NECTIN3: variants seen among roughly 807,000 people sequenced by gnomAD.
The protein encoded by NECTIN3 is nectin-3.
Under a neutral mutation model 49.4 loss-of-function variants are expected in NECTIN3, and 8 were observed. That is an observed-to-expected ratio of 0.16 (90% confidence interval 0.10 to 0.29). The LOEUF is 0.29. NECTIN3 is among the 10% of genes least tolerant of loss of function. NECTIN3 has a pLI of 1.00. For missense variants in NECTIN3, 581 were observed against 654.6 expected (o/e 0.89, Z 1.23); for synonymous variants, 277 against 241.1 (o/e 1.15, Z -1.38).
chr3:111,145,472 A>T (rs2034851722), intron 6 of NECTIN3, among the ~76,000 whole-genome samples: 1 of 152,216 alleles, frequency 6.6e-6, no homozygotes, highest in African/African-American at 2.4e-5. Context: ...ATTGAGTTTT[A>T]AAAATTTTTT....
intron 1 of NECTIN3, chr3:111,193,080 T>C: frequency 1.2e-6 from 1 of 863,290 alleles, no homozygotes; most frequent in South Asian, 1.8e-5. Context: ...ATTCAATAGT[T>C]TTTGGCATAA....
At chr3:111,124,239 A>G (rs866515145) in intron 4 of NECTIN3, among the ~76,000 whole-genome samples, 46 of 152,122 alleles carry the variant, frequency 3.0e-4, no homozygotes, top group African/African-American at 1.1e-3. Flanking sequence ...AAACTTCTAT[A>G]TGTCTTTTTT....
upstream of NECTIN3, among the ~76,000 whole-genome samples, chr3:111,191,231 G>A (rs983946921): frequency 6.6e-6 from 1 of 152,218 alleles, no homozygotes; most frequent in Non-Finnish European, 1.5e-5. Flanking sequence ...CCAGTTGTGT[G>A]ACTGGAGACA....
In NECTIN3 at chr3:111,136,549, T is replaced by C. The variant is rs1014484335; in HGVS notation, c.*2334T>C. ...TGTTTATTAGAACTTTATGTATATT[T>C]ACTGTACATAGAGACTTGTTTGAAA... On this transcript the variant is annotated 3_prime_UTR_variant, in exon 6 of 6. Coordinates refer to ENST00000485303, the MANE Select transcript of NECTIN3 (RefSeq NM_015480.3). 1 of 951,500 alleles carries C rather than the reference T, an allele frequency of 1.1e-6. No individual in the cohort carries two copies. The highest frequency in any genetic ancestry group is 1.2e-4 in the East Asian group (1 of 8,622). 58.9% of individuals were successfully genotyped at this position (951,500 alleles called of 1,614,324 possible). A position where few individuals can be genotyped will look rare whatever the true frequency, so the allele number is the denominator to read the frequency against.
exon 1 of NECTIN3, chr3:111,192,387 A>G: frequency 1.3e-6 from 2 of 1,536,048 alleles, no homozygotes; most frequent in Non-Finnish European, 1.7e-6. Flanking sequence ...GTTCAAAGAA[A>G]GAGAAGTTGG....
intron 1 of NECTIN3, among the ~76,000 whole-genome samples, chr3:111,080,780 T>A (rs1023664525): frequency 6.6e-6 from 1 of 151,998 alleles, no homozygotes; most frequent in African/African-American, 2.4e-5. Flanking sequence ...CACGGTGGAA[T>A]GAGGCATGTT....
intron 1 of NECTIN3, among the ~76,000 whole-genome samples, chr3:111,087,377 G>A (rs187743960): frequency 9.9e-5 from 15 of 152,240 alleles, no homozygotes; most frequent in Non-Finnish European, 1.3e-4. Context: ...GCCAGGCCGG[G>A]TGCTGTGCCT....
At chr3:111,118,107 A>T (rs960408431) in intron 2 of NECTIN3, among the ~76,000 whole-genome samples, 34 of 151,746 alleles carry the variant, frequency 2.2e-4, no homozygotes, top group Admixed American at 9.2e-4. Flanking sequence ...TGAGTCACTT[A>T]CTGGGCCAAG....
Position 111,089,025 on chromosome 3 carries a change from C to T in NECTIN3, c.160+16848C>T, listed in dbSNP as rs1477276956. The stretch of plus-strand genomic sequence containing the variant: ...AGTCAGATTGATTGTGTCATTTTGG[C>T]ACTTAGCATTTTTGTGGGAATTTGT... On this transcript the variant is annotated intron_variant, in intron 1 of 5. Coordinates refer to ENST00000485303, the MANE Select transcript of NECTIN3 (RefSeq NM_015480.3). Among the ~76,000 whole-genome samples, 5 of 152,038 alleles carry T rather than the reference C, an allele frequency of 3.3e-5. No homozygotes were observed. The East Asian group carries it at 9.6e-4, about 29-fold the overall frequency.
chr3:111,137,046 A>G lies in NECTIN3; in HGVS notation c.*2831A>G. The G allele has an allele frequency of 2.0e-6, 2 of 981,996 alleles. No individual in the cohort carries two copies. The highest frequency in any genetic ancestry group is 2.4e-6 in the Non-Finnish European group (2 of 826,962). 60.8% of individuals were successfully genotyped at this position (981,996 alleles called of 1,614,324 possible). Reference sequence around the variant, plus strand: ...ATAGCCATATACAGGAAAGTTTTATAAGATAACCCACGGCTAAATATTTTG... The same window carrying G: ...ATAGCCATATACAGGAAAGTTTTATGAGATAACCCACGGCTAAATATTTTG... On this transcript the variant is annotated 3_prime_UTR_variant, in exon 6 of 6. Coordinates refer to ENST00000485303, the MANE Select transcript of NECTIN3 (RefSeq NM_015480.3).
chr3:111,169,079 C>CTT (rs142606359), intron 7 of NECTIN3, among the ~76,000 whole-genome samples: 1,658 of 104,128 alleles, frequency 0.016, 361 homozygotes, highest in African/African-American at 0.063. Flanking sequence ...ACTATTCAAA[C>CTT]TTTTTTTTTT....
chr3:111,080,431 A>G (rs2031519017), intron 1 of NECTIN3, among the ~76,000 whole-genome samples: 1 of 152,142 alleles, frequency 6.6e-6, no homozygotes. Context: ...TCCTGACAGC[A>G]TCTCTTGAAA....
intron 1 of NECTIN3, chr3:111,074,344 T>A: frequency 2.6e-6 from 1 of 383,630 alleles, no homozygotes; most frequent in South Asian, 1.9e-5. Flanking sequence ...AGGTTTGGCA[T>A]GTAATTAATA....
In NECTIN3 at chr3:111,071,913, G is replaced by A. The variant is rs2030756549; in HGVS notation, c.-105G>A. On this transcript the variant is annotated 5_prime_UTR_variant, in exon 1 of 6. Coordinates refer to ENST00000485303, the MANE Select transcript of NECTIN3 (RefSeq NM_015480.3). Reference sequence around the variant, plus strand: ...CGACGGCGCTAGAGCTGGGAGCTGGGGACGCGCGCGCCGGACCTTCCACAG... The same window carrying A: ...CGACGGCGCTAGAGCTGGGAGCTGGAGACGCGCGCGCCGGACCTTCCACAG... 1 of 732,376 alleles carries A rather than the reference G, an allele frequency of 1.4e-6. No individual in the cohort carries two copies. Among genetic ancestry groups the A allele is most frequent in the Non-Finnish European group, 1.9e-6 (1 of 516,736 alleles). 45.4% of individuals were successfully genotyped at this position (732,376 alleles called of 1,614,324 possible). A position where few individuals can be genotyped will look rare whatever the true frequency, so the allele number is the denominator to read the frequency against.
intron 7 of NECTIN3, among the ~76,000 whole-genome samples, chr3:111,175,684 G>C (rs1190349058): frequency 6.6e-6 from 1 of 152,054 alleles, no homozygotes; most frequent in Non-Finnish European, 1.5e-5. Context: ...ACTAGATATT[G>C]CAAACATGAT....
At chr3:111,072,216 C>A in intron 1 of NECTIN3, 39 bp downstream of exon 1, 1 of 1,520,412 alleles carries the variant, frequency 6.6e-7, no homozygotes, top group African/African-American at 1.4e-5. Flanking sequence ...CTGAGGGAGC[C>A]GCCACTGAGG....
At chr3:111,085,657 T>G (rs2031880376) in intron 1 of NECTIN3, among the ~76,000 whole-genome samples, 1 of 152,212 alleles carries the variant, frequency 6.6e-6, no homozygotes, top group African/African-American at 2.4e-5. Context: ...AATACTTCTT[T>G]GCTTACACTG....
rs755904297 is a variant in NECTIN3, at chr3:111,133,638, C to T, written c.1073C>T (p.Pro358Leu). ...SDQKVIYISD[P>L]PTTTTLQPTI... ...CTATCTTTACTGTTTCCATTAGATC[C>T]TCCTACTACTACCACCCTTCAGCCT... is the stretch of plus-strand genomic sequence containing the variant. The change falls in exon 6 of 6, where the codon CCT becomes CTT. Residue 358 changes from proline to leucine, a missense_variant. By Grantham distance (98) the Pro-to-Leu change is moderately conservative (BLOSUM62 -3). This residue lies in a region of NECTIN3 where 238 missense variants were observed against 244.9 expected (regional missense o/e 0.97). Transcript: ENST00000485303. The T allele has an allele frequency of 1.2e-6, 2 of 1,611,834 alleles. No homozygotes were observed. The highest frequency in any genetic ancestry group is 1.1e-5 in the South Asian group (1 of 90,734).
At chr3:111,087,643 ACT>A (rs1374610666) in intron 1 of NECTIN3, among the ~76,000 whole-genome samples, 2 of 151,812 alleles carry the variant, frequency 1.3e-5, no homozygotes, top group African/African-American at 2.4e-5. Flanking sequence ...ACAGAGCGAG[ACT>A]CTGTCTCAAA....
Sources: allele counts gnomAD v4.1 joint callset (sites outside exome capture counted in the v4.1 genomes callset), GRCh38; gene constraint gnomAD v4.1.1; regional missense constraint gnomAD v4.1.1; transcripts MANE v1.5; gene names NCBI Gene and HGNC (gene_info 2026-07-23, HGNC 2026-07-21).